ELN: variants seen among roughly 807,000 people sequenced by gnomAD.
ELN encodes elastin.
Under a neutral mutation model 105.8 loss-of-function variants are expected in ELN, and 65 were observed. That is an observed-to-expected ratio of 0.61 (90% confidence interval 0.50 to 0.75). ELN has a LOEUF of 0.75. Ranked by LOEUF, ELN falls within the 30% of genes least tolerant of loss-of-function variation. The pLI, the probability that ELN is intolerant of heterozygous loss-of-function variation, is 0.00. For missense variants in ELN, 882 were observed against 969.4 expected, an observed-to-expected ratio of 0.91 and a Z score of 1.20; for synonymous variants, 368 against 389.2, an observed-to-expected ratio of 0.95 and a Z score of 0.64.
At chr7:74,057,468 G>C (rs1554680970) in intron 21 of ELN, 172 bp from the exon 22 acceptor site, 2 of 1,557,938 alleles carry the variant, frequency 1.3e-6, no homozygotes, top group Non-Finnish European at 1.7e-6. Flanking sequence ...AGGAGTGCCA[G>C]GTGAGCTGTG....
At chr7:74,043,352 C>G (rs1490784507) in intron 8 of ELN, 184 bp downstream of exon 8, 1 of 902,096 alleles carries the variant, frequency 1.1e-6, no homozygotes, top group Non-Finnish European at 1.7e-6. Flanking sequence ...GCCTGGCCCA[C>G]TTCCCGGGCC....
At chr7:74,041,396 C>T (rs1791188013) in intron 5 of ELN, 145 bp downstream of exon 5, 1 of 1,014,202 alleles carries the variant, frequency 9.9e-7, no homozygotes, top group Non-Finnish European at 1.5e-6. Flanking sequence ...CTGATACCAA[C>T]TGCCCCAAGC....
chr7:74,035,516 G>A lies in ELN; in HGVS notation c.133+102G>A, dbSNP rs17146001. 0.076 allele frequency: 106,392 copies of A among 1,392,188 alleles called. 5,463 individuals carry two copies. The highest frequency in any genetic ancestry group is 0.21 in the East Asian group (9,044 of 43,476). The allele number at this position is 1,392,188 out of a possible 1,614,324, so 86.2% of individuals were successfully genotyped here. On this transcript the variant is annotated intron_variant, in intron 2 of 32. Transcript: ENST00000252034. The stretch of plus-strand genomic sequence containing the variant: ...CTACAGAAGGTAGGAACATTGACAC[G>A]CCTACCAGAAGTCACACCCACTTAA...
Position 74,054,632 on chromosome 7 carries a change from AC to A in ELN, c.1097-83del, listed in dbSNP as rs1173651397. 71 of 1,416,402 alleles carry A rather than the reference AC, an allele frequency of 5.0e-5. 1 individual carries two copies. The African/African-American group carries it at 7.6e-4, about 15-fold the overall frequency. The allele number at this position is 1,416,402 out of a possible 1,614,324, so 87.7% of individuals were successfully genotyped here. ...GGCATGAAAGGAGATGGCCCAACAC[AC>A]AGATGGGTAGACAGAGGGATACATA... On this transcript the variant is annotated intron_variant, in intron 18 of 32. Transcript: ENST00000252034.
chr7:74,037,007 G>T (rs1790116353), intron 3 of ELN, among the ~76,000 whole-genome samples: 1 of 151,762 alleles, frequency 6.6e-6, no homozygotes, highest in Admixed American at 6.6e-5. Flanking sequence ...TTTTTCTAGA[G>T]ACAGGGTTTC....
In ELN at chr7:74,069,036, G is replaced by A. The variant is rs1199774351; in HGVS notation, c.*336G>A. 2.3e-6 allele frequency: 1 copy of A among 432,826 alleles called. No individual in the cohort carries two copies. The highest frequency in any genetic ancestry group is 2.0e-5 in the African/African-American group (1 of 51,010). The allele number at this position is 432,826 out of a possible 1,614,324, so 26.8% of individuals were successfully genotyped here. A position where few individuals can be genotyped will look rare whatever the true frequency, so the allele number is the denominator to read the frequency against. On this transcript the variant is annotated 3_prime_UTR_variant, in exon 33 of 33. Coordinates refer to ENST00000252034, the MANE Select transcript of ELN (RefSeq NM_000501.4). ...GGTGCTCTTATCTTCCTGGGGGGAG[G>A]GAGGAGGGAAGGGTGGCCCCTCGGG...
Position 74,061,099 on chromosome 7 carries a change from A to G in ELN, c.1748-2A>G. ...CACTCCCCAACTTTTCTTTCTCCCC[A>G]GTACCTGGAGCCCTGGCTGCCGCTA... On this transcript the variant is annotated splice_acceptor_variant, in intron 25 of 32. Coordinates refer to ENST00000252034, the MANE Select transcript of ELN (RefSeq NM_000501.4). LOFTEE classifies it high-confidence loss of function. The G allele has an allele frequency of 6.2e-7, 1 of 1,614,138 alleles. No individual in the cohort carries two copies. Among genetic ancestry groups the G allele is most frequent in the Non-Finnish European group, 8.5e-7 (1 of 1,180,032 alleles).
intron 15 of ELN, among the ~76,000 whole-genome samples, 171 bp downstream of exon 15, chr7:74,048,727 A>G (rs1793161635): frequency 6.6e-6 from 1 of 151,968 alleles, no homozygotes. Context: ...CCATGCATCC[A>G]TGTATCCATT....
chr7:74,062,229 C>T (rs1796848799), intron 26 of ELN: 1 of 152,534 alleles, frequency 6.6e-6, no homozygotes, highest in South Asian at 2.1e-4. Flanking sequence ...TCCTGGCTTC[C>T]TCAGCGCCGA....
At chr7:74,028,706 G>T (rs1207121541) in intron 1 of ELN, among the ~76,000 whole-genome samples, 2 of 152,200 alleles carry the variant, frequency 1.3e-5, no homozygotes, top group Non-Finnish European at 2.9e-5. Context: ...CAGCTCAACC[G>T]CAGTGAGCTG....
In ELN at chr7:74,068,937, A is replaced by C; in HGVS notation, c.*237A>C. 1 of 572,768 alleles carries C rather than the reference A, an allele frequency of 1.7e-6. No homozygotes were observed. 35.5% of individuals were successfully genotyped at this position (572,768 alleles called of 1,614,324 possible). Reference sequence around the variant, plus strand: ...AAGGGCCATGTGGTCCTGGCCCCCCACCCCATCCCTTCCCACCTAGGAGCT... The same window carrying C: ...AAGGGCCATGTGGTCCTGGCCCCCCCCCCCATCCCTTCCCACCTAGGAGCT... On this transcript the variant is annotated 3_prime_UTR_variant, in exon 33 of 33. Coordinates refer to ENST00000252034, the MANE Select transcript of ELN (RefSeq NM_000501.4).
chr7:74,054,252 G>A (rs781836926), intron 18 of ELN, among the ~76,000 whole-genome samples: 2 of 152,136 alleles, frequency 1.3e-5, no homozygotes, highest in Admixed American at 1.3e-4. Flanking sequence ...CGGATCACCT[G>A]AGGTGAGGAG....
chr7:74,052,101 T>C lies in ELN; in HGVS notation c.949+118T>C, dbSNP rs923951624. 2.6e-6 allele frequency: 3 copies of C among 1,143,610 alleles called. No homozygotes were observed. In the African/African-American group the frequency reaches 4.6e-5, roughly 17 times the overall value. 70.8% of individuals were successfully genotyped at this position (1,143,610 alleles called of 1,614,324 possible). ...TTCCTTCCCAAATATGCATTGTTCA[T>C]GCCTCCTTACCTTTGCCCCTTCTGA... On this transcript the variant is annotated intron_variant, in intron 17 of 32. Coordinates refer to ENST00000252034, the MANE Select transcript of ELN (RefSeq NM_000501.4).
Position 74,069,067 on chromosome 7 carries a change from C to T in ELN, c.*367C>T, listed in dbSNP as rs1798582976. On this transcript the variant is annotated 3_prime_UTR_variant, in exon 33 of 33. Coordinates refer to ENST00000252034, the MANE Select transcript of ELN (RefSeq NM_000501.4). ...GGGAAGGGTGGCCCCTCGGGGAACC[C>T]CCTACCTGGGGCTCCTCTAAAGATG... 6 of 411,984 alleles carry T rather than the reference C, an allele frequency of 1.5e-5. No homozygotes were observed. In the East Asian group the frequency reaches 1.7e-4, roughly 11 times the overall value. 25.5% of individuals were successfully genotyped at this position (411,984 alleles called of 1,614,324 possible).
At chr7:74,029,381 G>A (rs1451284487) in intron 1 of ELN, among the ~76,000 whole-genome samples, 1 of 152,178 alleles carries the variant, frequency 6.6e-6, no homozygotes, top group Non-Finnish European at 1.5e-5. Context: ...GGGTTTGAGG[G>A]TGTGCCCTGT....
At chr7:74,060,648 CAGAT>C in intron 25 of ELN, 147 bp downstream of exon 25, 4 of 1,550,712 alleles carry the variant, frequency 2.6e-6, no homozygotes, top group Middle Eastern at 1.7e-4. Flanking sequence ...CTGGGGGTAA[CAGAT>C]AGCGGGAGGA....
Position 74,060,244 on chromosome 7 carries a change from A to G in ELN, c.1621+60A>G, listed in dbSNP as rs1349131099. ...AACGATCTCAGAGCTGGTTAGGGGC[A>G]ACAGCCAGGGAGGAGGCCGCTGCTT... On this transcript the variant is annotated intron_variant, in intron 24 of 32. Coordinates refer to ENST00000252034, the MANE Select transcript of ELN (RefSeq NM_000501.4). 3 of 1,613,824 alleles carry G rather than the reference A, an allele frequency of 1.9e-6. No homozygotes were observed. The African/African-American group carries it at 4.0e-5, about 22-fold the overall frequency.
chr7:74,044,959 C>T (rs558182599), intron 9 of ELN, among the ~76,000 whole-genome samples: 2 of 152,280 alleles, frequency 1.3e-5, no homozygotes, highest in Non-Finnish European at 2.9e-5. Flanking sequence ...TTGTGATTAA[C>T]TCCAGCATAG....
At chr7:74,042,500 A>T in intron 5 of ELN, 114 bp from the exon 6 acceptor site, 1 of 832,552 alleles carries the variant, frequency 1.2e-6, no homozygotes, top group South Asian at 1.5e-5. Context: ...TCTGGCAGAG[A>T]GCGGAAGAGC....
Sources: allele counts gnomAD v4.1 joint callset (sites outside exome capture counted in the v4.1 genomes callset), GRCh38; gene constraint gnomAD v4.1.1; transcripts MANE v1.5; gene names NCBI Gene and HGNC (gene_info 2026-07-23, HGNC 2026-07-21).